The following SORCS1 variants were observed in gnomAD, a reference collection of about 807,000 sequenced individuals.
SORCS1 encodes the protein VPS10 domain-containing receptor SorCS1.
Under a neutral mutation model 146.1 loss-of-function variants are expected in SORCS1, and 60 were observed. That is an observed-to-expected ratio of 0.41 (90% CI 0.33 to 0.51). The LOEUF (loss-of-function observed/expected upper bound fraction) is 0.51. Among genes scored for constraint, SORCS1 ranks in the 20% least tolerant of loss-of-function variants. The pLI, the probability that SORCS1 is intolerant of heterozygous loss-of-function variation, is 0.21. For synonymous variants in SORCS1, 637 were observed against 584.0 expected, an observed-to-expected ratio of 1.09 and a Z score of -1.31; for missense variants, 1,352 against 1,487.6, an observed-to-expected ratio of 0.91 and a Z score of 1.50.
intron 1 of SORCS1, among the ~76,000 whole-genome samples, chr10:107,021,186 G>A (rs55993222): frequency 0.029 from 4,348 of 152,014 alleles, 216 homozygotes; most frequent in African/African-American, 0.099. Flanking sequence ...AAGGAAGACC[G>A]GCTATGTGGA....
At chr10:106,666,691 A>T (rs970357004) in intron 17 of SORCS1, among the ~76,000 whole-genome samples, 12 of 151,296 alleles carry the variant, frequency 7.9e-5, no homozygotes, top group African/African-American at 2.4e-4. Context: ...TGAGTGTCTG[A>T]GACTACAGGC....
At chr10:107,136,952 C>A (rs1193629046) in intron 1 of SORCS1, among the ~76,000 whole-genome samples, 1 of 152,204 alleles carries the variant, frequency 6.6e-6, no homozygotes, top group East Asian at 1.9e-4. Flanking sequence ...ACTCTATCTT[C>A]TACAGATGTA....
intron 24 of SORCS1, among the ~76,000 whole-genome samples, chr10:106,585,534 C>A (rs1845180213): frequency 6.6e-6 from 1 of 152,134 alleles, no homozygotes; most frequent in African/African-American, 2.4e-5. Flanking sequence ...CTCAAGTCTC[C>A]CCTAAGTGAG....
chr10:106,602,316 G>A lies in SORCS1; in HGVS notation c.3165+4850C>T, dbSNP rs77784188. Among the ~76,000 whole-genome samples the A allele has an allele frequency of 7.9e-3, 1,206 of 152,192 alleles. 17 individuals carry two copies. Among genetic ancestry groups the A allele is most frequent in the African/African-American group, 0.027 (1,139 of 41,504 alleles). ...AGAGGGTGTTGCCTGGGATGACCTG[G>A]GAGCTGGCTCAGTTGGTCAGTCTTG... On this transcript the variant is annotated intron_variant, in intron 23 of 25. Coordinates refer to ENST00000263054, the MANE Select transcript of SORCS1 (RefSeq NM_052918.5).
chr10:107,111,329 A>G (rs148009338), intron 1 of SORCS1, among the ~76,000 whole-genome samples: 33 of 152,312 alleles, frequency 2.2e-4, no homozygotes, highest in African/African-American at 7.5e-4. Flanking sequence ...AAATCAGAAC[A>G]ATGCATGAAC....
chr10:106,745,409 T>TA lies in SORCS1; in HGVS notation c.960-15296dup, dbSNP rs540857234. Among the ~76,000 whole-genome samples, 722 of 108,264 alleles carry TA rather than the reference T, an allele frequency of 6.7e-3. 8 individuals carry two copies. The highest frequency in any genetic ancestry group is 0.017 in the African/African-American group (506 of 28,934). 71.0% of individuals were successfully genotyped at this position (108,264 alleles called of 152,430 possible). On this transcript the variant is annotated intron_variant, in intron 5 of 25. Transcript: ENST00000263054. ...CTGGGCGACAGAGTGAGACAACGTC[T>TA]AAAAAAAAAAAAAGAAAAGAAAAAG...
chr10:107,082,826 C>A (rs1216411250), intron 1 of SORCS1, among the ~76,000 whole-genome samples: 3 of 151,960 alleles, frequency 2.0e-5, no homozygotes, highest in African/African-American at 7.2e-5. Context: ...AGTCCAAAGT[C>A]CAAGAGCTGG....
chr10:106,607,297 C>T lies in SORCS1; in HGVS notation c.3034G>A (p.Ala1012Thr), dbSNP rs1417689691. The change falls in exon 23 of 26, where the codon GCC becomes ACC. Residue 1012 changes from alanine to threonine, a missense_variant and splice_region_variant. Physicochemically the swap from Ala to Thr is moderately conservative, Grantham distance 58. Around this residue, in one of 3 missense-constraint regions of SORCS1, gnomAD observed 214 missense variants for 204.8 expected, o/e 1.05. Coordinates refer to ENST00000263054, the MANE Select transcript of SORCS1 (RefSeq NM_052918.5). ...GRVIKKSLVE[A>T]TGVPGQHILV... ...ATGTGCTGGCCTGGAACCCCTGTGG[C>T]CTGAGGGACAGACACAGGGGCTCAC... 6.2e-7 allele frequency: 1 copy of T among 1,613,806 alleles called. No homozygotes were observed. Among genetic ancestry groups the T allele is most frequent in the Non-Finnish European group, 8.5e-7 (1 of 1,179,890 alleles).
At chr10:106,987,101 T>C (rs7896496) in intron 1 of SORCS1, among the ~76,000 whole-genome samples, 8,394 of 152,252 alleles carry the variant, frequency 0.055, 587 homozygotes, top group African/African-American at 0.17. Context: ...ATTTTTTCAC[T>C]CCTAATAGGC....
At chr10:106,906,134 T>C (rs1170907550) in intron 2 of SORCS1, among the ~76,000 whole-genome samples, 1 of 152,208 alleles carries the variant, frequency 6.6e-6, no homozygotes, top group Non-Finnish European at 1.5e-5. Flanking sequence ...GTTTATTTGT[T>C]TGTTTTGAGA....
At chr10:106,980,335 C>T (rs1256392875) in intron 1 of SORCS1, among the ~76,000 whole-genome samples, 1 of 152,214 alleles carries the variant, frequency 6.6e-6, no homozygotes, top group Non-Finnish European at 1.5e-5. Context: ...TATTCTACCA[C>T]TGGTAACAGT....
intron 3 of SORCS1, among the ~76,000 whole-genome samples, chr10:106,800,680 C>T (rs367815374): frequency 1.3e-5 from 2 of 151,968 alleles, no homozygotes; most frequent in South Asian, 4.2e-4. Flanking sequence ...CACCGCCACA[C>T]CCAGCTAATT....
chr10:107,059,997 C>A (rs1961025750), intron 1 of SORCS1, among the ~76,000 whole-genome samples: 1 of 152,036 alleles, frequency 6.6e-6, no homozygotes, highest in Non-Finnish European at 1.5e-5. Context: ...TTATGAGGGT[C>A]AAAGAATGCT....
At chr10:107,152,725 C>T (rs889096003) in intron 1 of SORCS1, among the ~76,000 whole-genome samples, 4 of 152,142 alleles carry the variant, frequency 2.6e-5, no homozygotes, top group South Asian at 2.1e-4. Context: ...CTGGCGACAC[C>T]GAACTGTGAG....
chr10:106,751,116 T>A lies in SORCS1; in HGVS notation c.959+10472A>T, dbSNP rs1378118054. ...AAAATGCGGAGGAGGTGCAAAAGCG[T>A]TAGCAAGCAGCATTCATGTGGAGAT... On this transcript the variant is annotated intron_variant, in intron 5 of 25. Coordinates refer to ENST00000263054, the MANE Select transcript of SORCS1 (RefSeq NM_052918.5). Among the ~76,000 whole-genome samples the A allele has an allele frequency of 2.8e-5, 4 of 143,422 alleles. 1 individual carries two copies. Among genetic ancestry groups the A allele is most frequent in the African/African-American group, 7.9e-5 (3 of 38,158 alleles). 94.1% of individuals were successfully genotyped at this position (143,422 alleles called of 152,430 possible). A position where few individuals can be genotyped will look rare whatever the true frequency, so the allele number is the denominator to read the frequency against.
intron 1 of SORCS1, among the ~76,000 whole-genome samples, chr10:107,145,286 T>C (rs1294098875): frequency 1.3e-5 from 2 of 152,116 alleles, no homozygotes; most frequent in Non-Finnish European, 2.9e-5. Flanking sequence ...GTGACTGAAT[T>C]AAATGACCAA....
intron 1 of SORCS1, among the ~76,000 whole-genome samples, chr10:107,161,867 G>GTTTCTTCT (rs1969735322): frequency 6.6e-6 from 1 of 152,172 alleles, no homozygotes; most frequent in East Asian, 1.9e-4. Flanking sequence ...AAACACCTTT[G>GTTTCTTCT]TGTGTGATGA....
chr10:106,630,182 G>A (rs1848358963), intron 18 of SORCS1, among the ~76,000 whole-genome samples: 2 of 152,118 alleles, frequency 1.3e-5, no homozygotes, highest in African/African-American at 4.8e-5. Context: ...TTCCCTAATT[G>A]TATCATAGGA....
At chr10:106,686,304 C>T (rs184650884) in intron 10 of SORCS1, among the ~76,000 whole-genome samples, 3 of 152,272 alleles carry the variant, frequency 2.0e-5, no homozygotes, top group African/African-American at 4.8e-5. Flanking sequence ...GAGTTTCTGA[C>T]ACTGCGTTGG....
Sources: gnomAD v4.1 joint callset for allele counts (sites outside exome capture counted in the v4.1 genomes callset) on GRCh38, gnomAD v4.1.1 for gene constraint, gnomAD v4.1.1 regional missense constraint, MANE v1.5 for transcripts, NCBI Gene and HGNC (gene_info 2026-07-23, HGNC 2026-07-21) for gene names.